OSBPL1A: variants seen among roughly 807,000 people sequenced by gnomAD.
OSBPL1A encodes oxysterol binding protein like 1A, also known as oxysterol-binding protein-related protein 1.
OSBPL1A carries 80 observed loss-of-function variants against 137.1 expected under a neutral mutation model. The observed-to-expected ratio is 0.58, with a 90% CI of 0.49 to 0.70. OSBPL1A has a LOEUF of 0.70. Ranked by LOEUF, OSBPL1A falls within the 30% of genes least tolerant of loss-of-function variation. The pLI is 0.00. For synonymous variants in OSBPL1A, 365 were observed against 389.7 expected (o/e 0.94, Z 0.75); for missense variants, 970 against 1,129.4 (o/e 0.86, Z 2.02).
rs1486982334 is a variant in OSBPL1A, at chr18:24,383,098, G to A, written c.-2-5563C>T. 3.9e-5 allele frequency among the ~76,000 whole-genome samples: 6 copies of A among 151,952 alleles called. 1 individual carries two copies. Among genetic ancestry groups the A allele is most frequent in the Non-Finnish European group, 2.9e-5 (2 of 67,992 alleles). On this transcript the variant is annotated intron_variant, in intron 1 of 27. Transcript: ENST00000319481. The stretch of plus-strand genomic sequence containing the variant: ...TTTTAAATGTCTTCTTTGGTTATTT[G>A]TATTTTCCAAATTTCCTACACTATA...
rs558611263 is a variant in OSBPL1A, at chr18:24,187,269, G to A, written c.1678-5990C>T. Among the ~76,000 whole-genome samples, 64 of 152,206 alleles carry A rather than the reference G, an allele frequency of 4.2e-4. No homozygotes were observed. The South Asian group carries it at 8.5e-3, about 20-fold the overall frequency. On this transcript the variant is annotated intron_variant, in intron 18 of 27. Transcript: ENST00000319481. ...AGGGAAGTTGGTGTTTCGAGGGGACGGTTTCAGTTTTGCAAGCTGAAGAGA... is the reference window on the plus strand; with the variant it reads ...AGGGAAGTTGGTGTTTCGAGGGGACAGTTTCAGTTTTGCAAGCTGAAGAGA...
rs1039404128 is a variant in OSBPL1A, at chr18:24,201,126, ACAGAGAGAACACACCCTGTAC to A, written c.1602-4947_1602-4927del. Among the ~76,000 whole-genome samples the A allele has an allele frequency of 3.3e-5, 5 of 152,256 alleles. No individual in the cohort carries two copies. The East Asian group carries it at 7.7e-4, about 24-fold the overall frequency. ...TTCTATGCTTCCTTTTTCTCTTCAT[ACAGAGAGAACACACCCTGTAC>A]CAGGGACTGGCAGTGATATGTCCTG... On this transcript the variant is annotated intron_variant, in intron 17 of 27. Transcript: ENST00000319481.
At chr18:24,195,674 C>T (rs540281892) in intron 18 of OSBPL1A, among the ~76,000 whole-genome samples, 29 of 152,294 alleles carry the variant, frequency 1.9e-4, no homozygotes, top group Non-Finnish European at 3.8e-4. Context: ...TCCCTACCTC[C>T]CCCCACATCA....
At chr18:24,311,579 C>A in intron 13 of OSBPL1A, 2 of 820,720 alleles carry the variant, frequency 2.4e-6, no homozygotes, top group East Asian at 1.1e-4. Context: ...TTAAAGGAAA[C>A]CTACCAACCA....
chr18:24,257,521 A>C (rs929283781), intron 15 of OSBPL1A, among the ~76,000 whole-genome samples: 1 of 152,198 alleles, frequency 6.6e-6, no homozygotes, highest in Non-Finnish European at 1.5e-5. Context: ...CAGACTATGA[A>C]ACTACTACAA....
At chr18:24,177,695 A>T (rs1246311847) in intron 21 of OSBPL1A, among the ~76,000 whole-genome samples, 1 of 152,244 alleles carries the variant, frequency 6.6e-6, no homozygotes, top group Non-Finnish European at 1.5e-5. Context: ...AAAGATCTGT[A>T]AACAAAACAT....
intron 18 of OSBPL1A, among the ~76,000 whole-genome samples, chr18:24,189,601 T>C (rs1048146929): frequency 3.3e-5 from 5 of 152,360 alleles, no homozygotes; most frequent in East Asian, 1.9e-4. Flanking sequence ...GTGCTTACAT[T>C]TGAGGGCATC....
intron 16 of OSBPL1A, among the ~76,000 whole-genome samples, chr18:24,233,603 A>G (rs1474839144): frequency 6.6e-6 from 1 of 152,128 alleles, no homozygotes; most frequent in Non-Finnish European, 1.5e-5. Flanking sequence ...GTAAACAGAT[A>G]TGGTCCCTAT....
chr18:24,162,563 T>G lies in OSBPL1A; in HGVS notation c.*616A>C, dbSNP rs937346014. ...CAGAGCACTAAGTAAATGAAATACT[T>G]TTCCAGTTTAATTCTTTAGAATTTT... On this transcript the variant is annotated 3_prime_UTR_variant, in exon 28 of 28. Coordinates refer to ENST00000319481, the MANE Select transcript of OSBPL1A (RefSeq NM_080597.4). 1 of 152,238 alleles carries G rather than the reference T, an allele frequency of 6.6e-6. No individual in the cohort carries two copies. Among genetic ancestry groups the G allele is most frequent in the Non-Finnish European group, 1.5e-5 (1 of 68,042 alleles). 9.4% of individuals were successfully genotyped at this position (152,238 alleles called of 1,614,324 possible). A position where few individuals can be genotyped will look rare whatever the true frequency, so the allele number is the denominator to read the frequency against.
chr18:24,371,329 C>T (rs1038032428), intron 2 of OSBPL1A, among the ~76,000 whole-genome samples: 14 of 152,176 alleles, frequency 9.2e-5, no homozygotes, highest in Admixed American at 7.9e-4. Context: ...TCTCCTCAAG[C>T]CTTTTACCGA....
At chr18:24,289,515 G>A (rs572364491) in intron 14 of OSBPL1A, among the ~76,000 whole-genome samples, 8 of 140,134 alleles carry the variant, frequency 5.7e-5, no homozygotes, top group Middle Eastern at 9.1e-3. Flanking sequence ...CCCACCTCCC[G>A]GGTTCAAGCA....
chr18:24,346,713 T>G (rs558981660), intron 4 of OSBPL1A, among the ~76,000 whole-genome samples: 120 of 152,296 alleles, frequency 7.9e-4, no homozygotes, highest in African/African-American at 2.7e-3. Flanking sequence ...AAATAACTAA[T>G]GAATATTCGA....
intron 17 of OSBPL1A, among the ~76,000 whole-genome samples, chr18:24,212,247 T>TA (rs1441063043): frequency 6.6e-6 from 1 of 151,356 alleles, no homozygotes; most frequent in Non-Finnish European, 1.5e-5. Flanking sequence ...TTTTTTTTTT[T>TA]AATTTTAGTA....
Position 24,312,524 on chromosome 18 carries a change from A to C in OSBPL1A, c.970-418T>G, listed in dbSNP as rs185966257. Among the ~76,000 whole-genome samples, 149 of 152,360 alleles carry C rather than the reference A, an allele frequency of 9.8e-4. 1 individual carries two copies. Among genetic ancestry groups the C allele is most frequent in the Non-Finnish European group, 1.6e-3 (106 of 68,036 alleles). ...ACTAACTTACACTCAAATTAGAAGC[A>C]CAAGAAACTAAGGTCATATTAAAAC... On this transcript the variant is annotated intron_variant, in intron 12 of 27. Coordinates refer to ENST00000319481, the MANE Select transcript of OSBPL1A (RefSeq NM_080597.4).
At chr18:24,268,284 T>G (rs1402308746) in intron 15 of OSBPL1A, among the ~76,000 whole-genome samples, 3 of 152,032 alleles carry the variant, frequency 2.0e-5, no homozygotes, top group Non-Finnish European at 4.4e-5. Context: ...CCCAGCTAAT[T>G]TTTTATATTT....
intron 4 of OSBPL1A, among the ~76,000 whole-genome samples, chr18:24,346,329 A>G (rs1338105986): frequency 6.6e-6 from 1 of 152,236 alleles, no homozygotes; most frequent in East Asian, 1.9e-4. Context: ...TGTAATTCAC[A>G]TACCATAAAC....
rs199563115 is a variant in OSBPL1A, at chr18:24,164,420, G to GGTTT, written c.2750+644_2750+645insAAAC. The stretch of plus-strand genomic sequence containing the variant: ...ATGGAAAACAGTATGGAGATTTTTG[G>GGTTT]TTTTTTTTTTTTTTTTTTTTTTTTT... On this transcript the variant is annotated intron_variant, in intron 27 of 27. Transcript: ENST00000319481. Among the ~76,000 whole-genome samples the GGTTT allele has an allele frequency of 2.2e-4, 21 of 95,972 alleles. 3 individuals are homozygous for GGTTT. Among genetic ancestry groups the GGTTT allele is most frequent in the Admixed American group, 3.5e-4 (3 of 8,686 alleles). The allele number at this position is 95,972 out of a possible 152,430, so 63.0% of individuals were successfully genotyped here.
At chr18:24,199,308 G>A (rs955245439) in intron 17 of OSBPL1A, among the ~76,000 whole-genome samples, 32 of 152,248 alleles carry the variant, frequency 2.1e-4, no homozygotes, top group Middle Eastern at 3.4e-3. Context: ...GGCGAACAGT[G>A]GGCACAAGGG....
At chr18:24,199,024 A>G (rs1001967959) in intron 17 of OSBPL1A, among the ~76,000 whole-genome samples, 1 of 151,716 alleles carries the variant, frequency 6.6e-6, no homozygotes, top group African/African-American at 2.4e-5. Context: ...TGCCTGGCTA[A>G]TTTTTGTTAT....
Sources: allele counts gnomAD v4.1 joint callset (sites outside exome capture counted in the v4.1 genomes callset), GRCh38; gene constraint gnomAD v4.1.1; transcripts MANE v1.5; gene names NCBI Gene and HGNC (gene_info 2026-07-23, HGNC 2026-07-21).